Variants in SLC41A2 observed in about 807,000 individuals in gnomAD.
SLC41A2 encodes the protein SLC41A1-like 1.
SLC41A2 carries 32 observed loss-of-function variants against 58.3 expected under a neutral mutation model. The observed-to-expected ratio is 0.55, with a 90% CI of 0.41 to 0.74. The LOEUF (loss-of-function observed/expected upper bound fraction) is 0.74. SLC41A2 is among the 30% of genes least tolerant of loss of function. SLC41A2 has a pLI of 0.00. For missense variants in SLC41A2, 514 were observed against 680.6 expected, an observed-to-expected ratio of 0.76 and a Z score of 2.72; for synonymous variants, 190 against 235.0, an observed-to-expected ratio of 0.81 and a Z score of 1.75.
intron 1 of SLC41A2, 124 bp from the exon 2 acceptor site, chr12:104,928,818 T>C (rs1006888114): frequency 9.2e-6 from 2 of 217,034 alleles, no homozygotes; most frequent in African/African-American, 2.3e-5. Flanking sequence ...ACGGTACTGA[T>C]ACTATACTTT....
intron 10 of SLC41A2, among the ~76,000 whole-genome samples, chr12:104,807,551 C>CT (rs1324495342): frequency 6.6e-6 from 1 of 152,140 alleles, no homozygotes; most frequent in Non-Finnish European, 1.5e-5. Flanking sequence ...AATGCTGGCT[C>CT]TTTTTTGGTT....
chr12:104,810,615 C>A (rs1039695086), intron 10 of SLC41A2, among the ~76,000 whole-genome samples: 1 of 152,122 alleles, frequency 6.6e-6, no homozygotes, highest in Non-Finnish European at 1.5e-5. Flanking sequence ...TTTATTGGAA[C>A]GCAACTCAAC....
At chr12:104,886,146 T>C in intron 6 of SLC41A2, 147 bp downstream of exon 6, 1 of 735,758 alleles carries the variant, frequency 1.4e-6, no homozygotes, top group South Asian at 2.5e-5. Flanking sequence ...ACATAGTAGG[T>C]ATAAAACAAA....
intron 10 of SLC41A2, among the ~76,000 whole-genome samples, chr12:104,806,503 TG>T (rs1208463261): frequency 6.6e-6 from 1 of 152,222 alleles, no homozygotes. Flanking sequence ...TTTGTTATTG[TG>T]ACTAGTGCTG....
At chr12:104,822,057 T>C (rs2041659050) in intron 10 of SLC41A2, among the ~76,000 whole-genome samples, 1 of 152,194 alleles carries the variant, frequency 6.6e-6, no homozygotes, top group South Asian at 2.1e-4. Flanking sequence ...TGTCACTTGA[T>C]ATTAAGAAAT....
chr12:104,813,052 G>A (rs139755435), intron 10 of SLC41A2, among the ~76,000 whole-genome samples: 2,704 of 152,048 alleles, frequency 0.018, 29 homozygotes, highest in South Asian at 0.042. Flanking sequence ...GGTGGTGCAC[G>A]CCTGTAATCC....
intron 8 of SLC41A2, among the ~76,000 whole-genome samples, chr12:104,846,695 T>G (rs1006186540): frequency 2.6e-5 from 4 of 152,196 alleles, no homozygotes; most frequent in Non-Finnish European, 5.9e-5. Context: ...AGAGCACAGA[T>G]AGTTAAGCCT....
intron 3 of SLC41A2, among the ~76,000 whole-genome samples, chr12:104,895,926 A>G (rs1279489452): frequency 6.6e-6 from 1 of 152,160 alleles, no homozygotes; most frequent in African/African-American, 2.4e-5. Flanking sequence ...CCAAAATAAT[A>G]TTATCACCCA....
chr12:104,867,533 A>G (rs1229456120), intron 6 of SLC41A2, among the ~76,000 whole-genome samples: 2 of 151,362 alleles, frequency 1.3e-5, no homozygotes, highest in Admixed American at 6.6e-5. Context: ...CTTTGACTGA[A>G]TTTTCTATTT....
At chr12:104,895,112 T>G (rs2135703602) in intron 4 of SLC41A2, among the ~76,000 whole-genome samples, 162 bp downstream of exon 4, 1 of 152,304 alleles carries the variant, frequency 6.6e-6, no homozygotes, top group Middle Eastern at 3.4e-3. Flanking sequence ...CTCATAGGTA[T>G]CCATTTATTC....
chr12:104,949,709 G>A (rs956076898), intron 1 of SLC41A2, among the ~76,000 whole-genome samples: 16 of 152,124 alleles, frequency 1.1e-4, no homozygotes, highest in African/African-American at 3.9e-4. Flanking sequence ...TCAGCCTCCT[G>A]AGTAGCTGGG....
chr12:104,847,053 G>A (rs2042622046), intron 8 of SLC41A2, among the ~76,000 whole-genome samples: 1 of 152,038 alleles, frequency 6.6e-6, no homozygotes, highest in South Asian at 2.1e-4. Flanking sequence ...ACCCAGAGAT[G>A]AATCGGGTGT....
At chr12:104,895,646 T>C (rs2045242158) in intron 3 of SLC41A2, among the ~76,000 whole-genome samples, 1 of 152,148 alleles carries the variant, frequency 6.6e-6, no homozygotes, top group Non-Finnish European at 1.5e-5. Flanking sequence ...TCAGATATTA[T>C]CTTAGCATGC....
At chr12:104,904,401 G>A (rs891926301) in intron 3 of SLC41A2, among the ~76,000 whole-genome samples, 7 of 151,952 alleles carry the variant, frequency 4.6e-5, no homozygotes, top group South Asian at 4.2e-4. Flanking sequence ...CTCTTCTCCC[G>A]CCAAAAAGCC....
At chr12:104,850,364 C>T (rs1021296126) in intron 8 of SLC41A2, among the ~76,000 whole-genome samples, 7 of 152,108 alleles carry the variant, frequency 4.6e-5, no homozygotes, top group Non-Finnish European at 8.8e-5. Flanking sequence ...TCCAAATCTA[C>T]GCAGTTTAAT....
chr12:104,853,926 T>TTTTTTTATTTTTA (rs2042917507), intron 8 of SLC41A2, among the ~76,000 whole-genome samples: 1 of 118,850 alleles, frequency 8.4e-6, no homozygotes, highest in African/African-American at 3.1e-5. Flanking sequence ...TTTTTTTTTT[T>TTTTTTTATTTTTA]TTTTTTTTTT....
At chr12:104,833,149 G>A (rs2136286900) in intron 10 of SLC41A2, among the ~76,000 whole-genome samples, 1 of 152,274 alleles carries the variant, frequency 6.6e-6, no homozygotes, top group Admixed American at 6.5e-5. Context: ...TACACTCATT[G>A]GAAAAGACTG....
chr12:104,867,574 C>G (rs1025256866), intron 6 of SLC41A2, among the ~76,000 whole-genome samples: 1 of 151,100 alleles, frequency 6.6e-6, no homozygotes, highest in Non-Finnish European at 1.5e-5. Context: ...TAAAGATCTT[C>G]TCACCTATGA....
intron 10 of SLC41A2, among the ~76,000 whole-genome samples, chr12:104,829,723 G>A (rs1470820129): frequency 6.6e-6 from 1 of 152,016 alleles, no homozygotes; most frequent in African/African-American, 2.4e-5. Flanking sequence ...ACAGCCTTTA[G>A]CCAGGGTCAC....
Sources: allele counts gnomAD v4.1 joint callset (sites outside exome capture counted in the v4.1 genomes callset), GRCh38; gene constraint gnomAD v4.1.1; transcripts MANE v1.5; gene names NCBI Gene and HGNC (gene_info 2026-07-23, HGNC 2026-07-21).